Variants in LYST observed in about 807,000 individuals in gnomAD.
LYST encodes the protein lysosomal-trafficking regulator.
LYST carries 192 observed loss-of-function variants against 413.6 expected under a neutral mutation model. That is an observed-to-expected ratio of 0.46 (90% confidence interval 0.41 to 0.52). The LOEUF (loss-of-function observed/expected upper bound fraction) is 0.52. Among genes scored for constraint, LYST ranks in the 20% least tolerant of loss-of-function variants. The pLI, the probability that LYST is intolerant of heterozygous loss-of-function variation, is 0.00. For missense variants in LYST, 3,815 were observed against 4,499.9 expected, an observed-to-expected ratio of 0.85 and a Z score of 4.35; for synonymous variants, 1,525 against 1,567.3, an observed-to-expected ratio of 0.97 and a Z score of 0.64.
At chr1:235,776,531 A>G (rs912973562) in intron 17 of LYST, among the ~76,000 whole-genome samples, 1 of 152,180 alleles carries the variant, frequency 6.6e-6, no homozygotes. Flanking sequence ...GCTCCCTAAC[A>G]TAGGTTTCAG....
intron 3 of LYST, among the ~76,000 whole-genome samples, chr1:235,819,057 C>T (rs1274025109): frequency 6.6e-6 from 1 of 152,184 alleles, no homozygotes; most frequent in African/African-American, 2.4e-5. Flanking sequence ...TCTTGCAAAC[C>T]ATGGGCCTTG....
At chr1:235,792,150 A>C (rs1671072803) in intron 11 of LYST, 25 bp from the exon 12 acceptor site, 1 of 1,461,380 alleles carries the variant, frequency 6.8e-7, no homozygotes, top group African/African-American at 1.4e-5. Flanking sequence ...AAACAAATGA[A>C]ACTTTCTAAT....
At chr1:235,685,825 G>A (rs375311325) in intron 48 of LYST, among the ~76,000 whole-genome samples, 23 of 148,074 alleles carry the variant, frequency 1.6e-4, no homozygotes, top group East Asian at 6.1e-4. Context: ...TGGCCTGGGC[G>A]ACAGAGTGAG....
At chr1:235,705,365 T>C (rs1661893421) in intron 44 of LYST, among the ~76,000 whole-genome samples, 2 of 152,132 alleles carry the variant, frequency 1.3e-5, no homozygotes. Context: ...TTACCATGTG[T>C]ATTTCAGTCT....
intron 40 of LYST, among the ~76,000 whole-genome samples, chr1:235,718,777 T>A (rs1663073879): frequency 6.6e-6 from 1 of 152,198 alleles, no homozygotes; most frequent in African/African-American, 2.4e-5. Context: ...GCAGAATAAA[T>A]GCTGAATTCT....
At chr1:235,765,360 C>G (rs1015819146) in intron 21 of LYST, among the ~76,000 whole-genome samples, 4 of 152,146 alleles carry the variant, frequency 2.6e-5, no homozygotes, top group Admixed American at 2.6e-4. Flanking sequence ...TATAATTGGC[C>G]TTACTGCCCC....
intron 3 of LYST, chr1:235,829,278 T>A (rs754293166): frequency 6.6e-6 from 1 of 152,254 alleles, no homozygotes; most frequent in Non-Finnish European, 1.5e-5. Context: ...GTATTTGCTA[T>A]GTTCCTTAGC....
intron 31 of LYST, among the ~76,000 whole-genome samples, chr1:235,739,642 C>A: frequency 6.8e-6 from 1 of 148,084 alleles, no homozygotes; most frequent in Non-Finnish European, 1.5e-5. Flanking sequence ...AAAACGTAGT[C>A]AAATAGTTGA....
At chr1:235,755,397 A>AGAAAT (rs1404129309) in intron 25 of LYST, 81 bp downstream of exon 25, 14 of 1,001,186 alleles carry the variant, frequency 1.4e-5, no homozygotes, top group East Asian at 9.6e-5. Flanking sequence ...TCAAAAGAAA[A>AGAAAT]GAAAAGAAAA....
At chr1:235,697,342 G>T in intron 45 of LYST, 70 bp from the exon 46 acceptor site, 1 of 1,137,238 alleles carries the variant, frequency 8.8e-7, no homozygotes, top group Non-Finnish European at 1.3e-6. Context: ...TCTAATTTAA[G>T]CTCTAAACAA....
At chr1:235,743,420 C>T (rs191525040) in intron 30 of LYST, among the ~76,000 whole-genome samples, 3 of 152,254 alleles carry the variant, frequency 2.0e-5, no homozygotes, top group South Asian at 2.1e-4. Flanking sequence ...TCATGATTTA[C>T]GAGTTCTGCT....
At chr1:235,667,132 A>G (rs1036004331) in intron 50 of LYST, among the ~76,000 whole-genome samples, 2 of 152,260 alleles carry the variant, frequency 1.3e-5, no homozygotes, top group Admixed American at 6.5e-5. Context: ...GCTCGAATGT[A>G]TAATTTAACA....
At position 235,806,196 on chromosome 1, in the gene LYST, C is replaced by T. The variant is rs751490458; in HGVS notation, c.2940G>A (p.Gln980=). Residue 980 remains glutamine, a synonymous_variant, in exon 6 of 53, where the codon CAG becomes CAA. Coordinates refer to ENST00000389793, the MANE Select transcript of LYST (RefSeq NM_000081.4). ...CTCGGAAACCACCAAGCCTATAAAA[C>T]TGTTTCTGGAACACTGAACTCAACA... The part of the protein sequence containing the change: ...IYMLSSVFQK[Q]FYRLGGFRVC... The T allele has an allele frequency of 6.8e-6, 11 of 1,613,914 alleles. No individual in the cohort carries two copies. Among genetic ancestry groups the T allele is most frequent in the Non-Finnish European group, 9.3e-6 (11 of 1,179,974 alleles).
chr1:235,859,089 C>T (rs1264815599), intron 1 of LYST, among the ~76,000 whole-genome samples: 1 of 152,158 alleles, frequency 6.6e-6, no homozygotes, highest in Admixed American at 6.5e-5. Flanking sequence ...GATAATCTTG[C>T]TTCACAGAGA....
chr1:235,836,570 T>C (rs935691798), intron 1 of LYST, among the ~76,000 whole-genome samples: 3 of 152,068 alleles, frequency 2.0e-5, no homozygotes, highest in Non-Finnish European at 4.4e-5. Context: ...GTACGGGATA[T>C]TGAGTGCAAG....
In LYST at chr1:235,880,464, A is replaced by G. The variant is rs576415331; in HGVS notation, n.454+2723T>C. ...AAAAGTGTCATCATTTGACACCGTC[A>G]TAACAGTGACTAAACACATCTTTGC... On this transcript the variant is annotated intron_variant and non_coding_transcript_variant, in intron 1 of 11. Transcript: ENST00000465349. 2.5e-3 allele frequency among the ~76,000 whole-genome samples: 388 copies of G among 152,372 alleles called. 2 individuals carry two copies. Among genetic ancestry groups the G allele is most frequent in the African/African-American group, 8.9e-3 (372 of 41,590 alleles).
chr1:235,804,667 TA>T lies in LYST; in HGVS notation c.3394-3del. On this transcript the variant is annotated splice_polypyrimidine_tract_variant and splice_region_variant and intron_variant, in intron 6 of 52. Coordinates refer to ENST00000389793, the MANE Select transcript of LYST (RefSeq NM_000081.4). ...TAATATACTTTCCACAGACAAGTTCTAAGGTAAAATAAAAGAGACTAAGAAT... is the reference window on the plus strand; with the variant it reads ...TAATATACTTTCCACAGACAAGTTCTAGGTAAAATAAAAGAGACTAAGAAT... The T allele has an allele frequency of 6.4e-7, 1 of 1,567,732 alleles. No individual in the cohort carries two copies. The highest frequency in any genetic ancestry group is 8.8e-7 in the Non-Finnish European group (1 of 1,140,412).
chr1:235,774,744 T>A (rs535164350), intron 18 of LYST, among the ~76,000 whole-genome samples, 169 bp downstream of exon 18: 1 of 152,330 alleles, frequency 6.6e-6, no homozygotes. Context: ...ATTATTTAAA[T>A]GATGAAAAGA....
chr1:235,730,619 G>T (rs1367625805), intron 36 of LYST, among the ~76,000 whole-genome samples: 1 of 144,734 alleles, frequency 6.9e-6, no homozygotes. Context: ...GTGTGTATAT[G>T]TAAACTAACA....
Sources: allele counts gnomAD v4.1 joint callset (sites outside exome capture counted in the v4.1 genomes callset), GRCh38; gene constraint gnomAD v4.1.1; transcripts MANE v1.5; gene names NCBI Gene and HGNC (gene_info 2026-07-23, HGNC 2026-07-21).